The following MTUS1 variants were observed in gnomAD, a reference collection of about 807,000 sequenced individuals.
MTUS1 encodes microtubule-associated tumor suppressor 1.
In MTUS1, 109 loss-of-function variants were observed where a neutral mutation model predicts 120.8. The observed-to-expected ratio is 0.90, with a 90% CI of 0.77 to 1.06. The LOEUF is 1.06. Ranked by LOEUF, MTUS1 falls within the 50% of genes least tolerant of loss-of-function variation. MTUS1 has a pLI of 0.00. For synonymous variants in MTUS1, 737 were observed against 550.5 expected (o/e 1.34, Z -4.74); for missense variants, 2,210 against 1,486.3 (o/e 1.49, Z -8.01).
rs532720454 is a variant in MTUS1, at chr8:17,733,647, T to C, written c.2288-9814A>G. ...AAAACAGGGCCCCGCATCCCTTTCTTGACATTGACAAGAGGCTCTAGGTCA... is the reference window on the plus strand; with the variant it reads ...AAAACAGGGCCCCGCATCCCTTTCTCGACATTGACAAGAGGCTCTAGGTCA... On this transcript the variant is annotated intron_variant, in intron 3 of 14. Transcript: ENST00000693296. Among the ~76,000 whole-genome samples the C allele has an allele frequency of 3.3e-5, 5 of 152,286 alleles. No individual in the cohort carries two copies. In the South Asian group the frequency reaches 1.0e-3, roughly 32 times the overall value.
At position 17,783,104 on chromosome 8, in the gene MTUS1, G is replaced by A. The variant is rs183184313; in HGVS notation, c.-155+17957C>T. 1.3e-4 allele frequency among the ~76,000 whole-genome samples: 19 copies of A among 149,924 alleles called. No homozygotes were observed. The East Asian group carries it at 2.2e-3, about 17-fold the overall frequency. On this transcript the variant is annotated intron_variant, in intron 1 of 14. Transcript: ENST00000693296. Reference sequence around the variant, plus strand: ...AAAACAAACAAACAAACACACACACGCCCTTAAGAACGCAATGAGGATAAC... The same window carrying A: ...AAAACAAACAAACAAACACACACACACCCTTAAGAACGCAATGAGGATAAC...
At chr8:17,675,820 T>C (rs1422452981) in intron 7 of MTUS1, among the ~76,000 whole-genome samples, 1 of 152,184 alleles carries the variant, frequency 6.6e-6, no homozygotes, top group Non-Finnish European at 1.5e-5. Context: ...TTTCTAAGGA[T>C]TATGATATTT....
chr8:17,693,361 C>T (rs1455631054), intron 6 of MTUS1: 1 of 152,192 alleles, frequency 6.6e-6, no homozygotes. Flanking sequence ...TTCCTCCTCT[C>T]CCCTGTTTAA....
At chr8:17,797,032 A>C (rs1205036242) in intron 1 of MTUS1, among the ~76,000 whole-genome samples, 1 of 152,020 alleles carries the variant, frequency 6.6e-6, no homozygotes, top group Non-Finnish European at 1.5e-5. Context: ...GAATCACTTG[A>C]ACCTGAGAGG....
chr8:17,659,817 T>C (rs1259452379), intron 8 of MTUS1, among the ~76,000 whole-genome samples: 2 of 152,216 alleles, frequency 1.3e-5, no homozygotes, highest in African/African-American at 4.8e-5. Context: ...TTTGTCATCA[T>C]CCATTCTCCA....
At position 17,755,487 on chromosome 8, in the gene MTUS1, T is replaced by TACTGACACTGACACAA; in HGVS notation, c.320_321insTTGTGTCAGTGTCAGT (p.Leu108CysfsTer10). 2 of 1,614,214 alleles carry TACTGACACTGACACAA rather than the reference T, an allele frequency of 1.2e-6. No individual in the cohort carries two copies. The highest frequency in any genetic ancestry group is 1.7e-6 in the Non-Finnish European group (2 of 1,180,020). Reference sequence around the variant, plus strand: ...ATTTGGGCTTCTCAGTACCTACAAGTGCAGGACACTGACAAATAGAATCTT... The same window carrying TACTGACACTGACACAA: ...ATTTGGGCTTCTCAGTACCTACAAGTACTGACACTGACACAAGCAGGACACTGACAAATAGAATCTT... On this transcript the variant is annotated frameshift_variant, in exon 2 of 15. Coordinates refer to ENST00000693296, the MANE Select transcript of MTUS1 (RefSeq NM_001363059.2). LOFTEE classifies it high-confidence loss of function.
chr8:17,689,114 G>C (rs192388578), intron 6 of MTUS1, among the ~76,000 whole-genome samples: 584 of 152,266 alleles, frequency 3.8e-3, no homozygotes, highest in Admixed American at 6.1e-3. Flanking sequence ...GGGAGGCTGA[G>C]GCAGGAGAAT....
At position 17,701,486 on chromosome 8, in the gene MTUS1, G is replaced by A. The variant is rs371193931; in HGVS notation, c.2623+11728C>T. On this transcript the variant is annotated intron_variant, in intron 6 of 14. Transcript: ENST00000693296. Reference sequence around the variant, plus strand: ...AGCAAAATAAGAGTTTAAATTAAAAGCAGTAATGCTTTTAATTCATGTACA... The same window carrying A: ...AGCAAAATAAGAGTTTAAATTAAAAACAGTAATGCTTTTAATTCATGTACA... Among the ~76,000 whole-genome samples, 166 of 152,182 alleles carry A rather than the reference G, an allele frequency of 1.1e-3. 2 individuals carry two copies. The highest frequency in any genetic ancestry group is 3.4e-3 in the Middle Eastern group (1 of 294).
At chr8:17,726,247 C>A (rs971012528) in intron 3 of MTUS1, among the ~76,000 whole-genome samples, 4 of 152,192 alleles carry the variant, frequency 2.6e-5, no homozygotes, top group Non-Finnish European at 5.9e-5. Context: ...TTAAAATGCA[C>A]CTGGAGTTTC....
At chr8:17,782,075 G>C (rs2050914452) in intron 1 of MTUS1, among the ~76,000 whole-genome samples, 2 of 152,102 alleles carry the variant, frequency 1.3e-5, no homozygotes, top group African/African-American at 4.8e-5. Flanking sequence ...GGTTTTATGG[G>C]GCTAACAAAT....
At chr8:17,752,587 C>G (rs2048283157) in intron 2 of MTUS1, among the ~76,000 whole-genome samples, 2 of 152,148 alleles carry the variant, frequency 1.3e-5, no homozygotes, top group African/African-American at 4.8e-5. Context: ...TATCTTCGGT[C>G]TTTCCTAACC....
intron 8 of MTUS1, among the ~76,000 whole-genome samples, chr8:17,665,958 A>G (rs1810809499): frequency 1.3e-5 from 2 of 152,010 alleles, no homozygotes; most frequent in South Asian, 4.1e-4. Context: ...GTGCCTAGGT[A>G]CCAGCCGGGC....
At chr8:17,669,018 G>A (rs1811475121) in intron 8 of MTUS1, among the ~76,000 whole-genome samples, 2 of 152,192 alleles carry the variant, frequency 1.3e-5, no homozygotes, top group Admixed American at 1.3e-4. Flanking sequence ...TTCATTGATT[G>A]AAGTCTAAGC....
intron 1 of MTUS1, among the ~76,000 whole-genome samples, chr8:17,776,986 G>C (rs1463410030): frequency 6.6e-6 from 1 of 152,092 alleles, no homozygotes; most frequent in Non-Finnish European, 1.5e-5. Flanking sequence ...TGGAAAACCT[G>C]GGTGTGGGCT....
chr8:17,649,922 C>CT lies in MTUS1; in HGVS notation c.3424dup (p.Ser1142LysfsTer11). 6.2e-7 allele frequency: 1 copy of CT among 1,611,266 alleles called. No individual in the cohort carries two copies. Among genetic ancestry groups the CT allele is most frequent in the African/African-American group, 1.3e-5 (1 of 74,958 alleles). On this transcript the variant is annotated frameshift_variant, in exon 13 of 15. Coordinates refer to ENST00000693296, the MANE Select transcript of MTUS1 (RefSeq NM_001363059.2). LOFTEE classifies it high-confidence loss of function. ...CTTGATCTCTAACACAGCTTTCAGG[C>CT]TTTCTAACTCCTGTTCTAGATACAT...
At chr8:17,656,153 C>G in intron 8 of MTUS1, 88 bp from the exon 9 acceptor site, 1 of 1,147,516 alleles carries the variant, frequency 8.7e-7, no homozygotes, top group Non-Finnish European at 1.3e-6. Context: ...GCTGTGATGA[C>G]ACCTGAAGCA....
chr8:17,697,205 T>A, intron 6 of MTUS1: 2 of 1,530,578 alleles, frequency 1.3e-6, no homozygotes, highest in Non-Finnish European at 1.8e-6. Flanking sequence ...ATCTGCAAAT[T>A]AATGAAGACA....
intron 3 of MTUS1, among the ~76,000 whole-genome samples, chr8:17,727,758 T>A (rs535182776): frequency 6.6e-6 from 1 of 152,354 alleles, no homozygotes. Context: ...ACTTGCAGGA[T>A]ATTATTGACC....
At chr8:17,652,847 A>C (rs74910077) in intron 12 of MTUS1, among the ~76,000 whole-genome samples, 5 of 151,820 alleles carry the variant, frequency 3.3e-5, no homozygotes, top group African/African-American at 1.2e-4. Context: ...AAAAAAAAAA[A>C]AGAAAGAGTG....
Sources: gnomAD v4.1 joint callset for allele counts (sites outside exome capture counted in the v4.1 genomes callset) on GRCh38, gnomAD v4.1.1 for gene constraint, MANE v1.5 for transcripts, NCBI Gene and HGNC (gene_info 2026-07-23, HGNC 2026-07-21) for gene names.